Variants in ZFYVE9 observed in about 807,000 individuals in gnomAD.
ZFYVE9 encodes zinc finger FYVE domain-containing protein 9.
ZFYVE9 carries 43 observed loss-of-function variants against 126.7 expected under a neutral mutation model. That is an observed-to-expected ratio of 0.34 (90% CI 0.27 to 0.44). ZFYVE9 has a LOEUF of 0.44. ZFYVE9 is among the 20% of genes least tolerant of loss of function. The probability of loss-of-function intolerance (pLI) is 1.00; values close to 1 mark genes in which losing one functional copy is unlikely to be tolerated. For missense variants in ZFYVE9, 1,476 were observed against 1,697.0 expected (o/e 0.87, Z 2.29); for synonymous variants, 521 against 597.4 (o/e 0.87, Z 1.87).
rs184440823 is a variant in ZFYVE9 at position 52,293,695 on chromosome 1, G to A, written c.3250+18G>A. On this transcript the variant is annotated intron_variant, in intron 11 of 18. Coordinates refer to ENST00000287727, the MANE Select transcript of ZFYVE9 (RefSeq NM_004799.4). Reference sequence around the variant, plus strand: ...ATATCGACGTAAGTAGTAAAAACACGTTTTTCAAGGCATGATGACTAAAAT... The same window carrying A: ...ATATCGACGTAAGTAGTAAAAACACATTTTTCAAGGCATGATGACTAAAAT... 45 of 1,604,104 alleles carry A rather than the reference G, an allele frequency of 2.8e-5. 1 individual carries two copies. Among genetic ancestry groups the A allele is most frequent in the South Asian group, 3.3e-5 (3 of 90,608 alleles).
At chr1:52,145,277 A>G (rs996668423) in intron 1 of ZFYVE9, among the ~76,000 whole-genome samples, 1 of 152,208 alleles carries the variant, frequency 6.6e-6, no homozygotes, top group African/African-American at 2.4e-5. Flanking sequence ...AGTAGAGATG[A>G]TAATTCCTTC....
At chr1:52,322,419 G>T in intron 13 of ZFYVE9, among the ~76,000 whole-genome samples, 1 of 139,256 alleles carries the variant, frequency 7.2e-6, no homozygotes, top group African/African-American at 2.7e-5. Context: ...TCGCTGTGTC[G>T]CCCAGTGGAG....
chr1:52,294,538 A>T (rs1187766935), intron 11 of ZFYVE9, among the ~76,000 whole-genome samples: 3 of 152,250 alleles, frequency 2.0e-5, no homozygotes, highest in African/African-American at 7.2e-5. Flanking sequence ...AATAGCTAAG[A>T]TGTGATTATA....
intron 7 of ZFYVE9, among the ~76,000 whole-genome samples, chr1:52,272,801 C>T (rs956794237): frequency 2.6e-5 from 4 of 151,294 alleles, no homozygotes; most frequent in African/African-American, 9.7e-5. Flanking sequence ...TCCCAAGTGG[C>T]TGGGATTACA....
chr1:52,241,175 C>T (rs1023784902), intron 4 of ZFYVE9, among the ~76,000 whole-genome samples: 5 of 151,884 alleles, frequency 3.3e-5, no homozygotes, highest in Non-Finnish European at 7.4e-5. Flanking sequence ...ATGTTGTATA[C>T]CTTAAATGTA....
chr1:52,343,462 A>G (rs527900177), intron 17 of ZFYVE9, among the ~76,000 whole-genome samples: 1 of 151,288 alleles, frequency 6.6e-6, no homozygotes, highest in African/African-American at 2.4e-5. Flanking sequence ...AAAGAAAAAA[A>G]GAAGTCCTTT....
intron 18 of ZFYVE9, chr1:52,345,777 C>T: frequency 3.7e-6 from 1 of 271,118 alleles, no homozygotes; most frequent in Non-Finnish European, 6.9e-6. Flanking sequence ...GGTATTATTT[C>T]TGATACTCCA....
chr1:52,283,169 C>T (rs1645821496), intron 10 of ZFYVE9, among the ~76,000 whole-genome samples: 1 of 152,160 alleles, frequency 6.6e-6, no homozygotes, highest in Non-Finnish European at 1.5e-5. Flanking sequence ...CTGGAAATAA[C>T]TGGGAACTTT....
chr1:52,280,372 C>A (rs1251382378), intron 9 of ZFYVE9, among the ~76,000 whole-genome samples: 3 of 149,366 alleles, frequency 2.0e-5, no homozygotes, highest in African/African-American at 7.5e-5. Context: ...AGAGTGAGAC[C>A]CTGTTTAAAA....
intron 13 of ZFYVE9, among the ~76,000 whole-genome samples, chr1:52,323,664 A>G (rs1419622083): frequency 2.6e-5 from 4 of 152,230 alleles, no homozygotes; most frequent in Non-Finnish European, 4.4e-5. Context: ...CTGTAATCCC[A>G]GCACATTGGG....
Position 52,151,707 on chromosome 1 carries a change from A to G in ZFYVE9, c.-143+9304A>G, listed in dbSNP as rs1283203058. Among the ~76,000 whole-genome samples the G allele has an allele frequency of 8.6e-5, 13 of 151,758 alleles. No homozygotes were observed. In the South Asian group the frequency reaches 2.7e-3, roughly 32 times the overall value. On this transcript the variant is annotated intron_variant, in intron 1 of 18. Coordinates refer to ENST00000287727, the MANE Select transcript of ZFYVE9 (RefSeq NM_004799.4). ...ATTTTTTGTATTTTTAGTAGAGACA[A>G]GGTTTCACCATGTTGGTCAGGCTGG...
chr1:52,218,344 A>G (rs1645091894), intron 2 of ZFYVE9, among the ~76,000 whole-genome samples: 1 of 152,208 alleles, frequency 6.6e-6, no homozygotes, highest in Admixed American at 6.5e-5. Flanking sequence ...TAGGCCCACT[A>G]CATCCCATCA....
At chr1:52,225,523 G>C (rs1645162339) in intron 2 of ZFYVE9, among the ~76,000 whole-genome samples, 1 of 152,234 alleles carries the variant, frequency 6.6e-6, no homozygotes, top group African/African-American at 2.4e-5. Flanking sequence ...CCCTAACACA[G>C]TTCCTGTTTC....
intron 1 of ZFYVE9, among the ~76,000 whole-genome samples, chr1:52,165,324 C>CAAGAAAG (rs1557432964): frequency 6.6e-6 from 1 of 151,910 alleles, no homozygotes; most frequent in East Asian, 1.9e-4. Context: ...TGTAATTAGA[C>CAAGAAAG]AAGAAAGAAA....
Position 52,238,811 on chromosome 1 carries a change from T to G in ZFYVE9, c.1394T>G (p.Val465Gly). 1.2e-6 allele frequency: 2 copies of G among 1,614,150 alleles called. No individual in the cohort carries two copies. The highest frequency in any genetic ancestry group is 2.7e-5 in the African/African-American group (2 of 75,070). The change falls in exon 4 of 19, where the codon GTT (valine) becomes GGT (glycine). Residue 465 changes from valine (V) to glycine (G), a missense_variant. Val to Gly is a moderately radical substitution (Grantham distance 109). Around this residue, in one of 2 missense-constraint regions of ZFYVE9, gnomAD observed 807 missense variants for 794.6 expected, o/e 1.02. Transcript: ENST00000287727. Reference sequence around the variant, plus strand: ...AGTGAAGAATGTGATTTCTCCACTGTTATAGACACACCAGCAGCAAATTAT... The same window carrying G: ...AGTGAAGAATGTGATTTCTCCACTGGTATAGACACACCAGCAGCAAATTAT... Reference protein sequence around the residue: ...SESEECDFSTVIDTPAANYLS... With the variant: ...SESEECDFSTGIDTPAANYLS...
In ZFYVE9 at chr1:52,237,681, T is replaced by A; in HGVS notation, c.264T>A (p.Cys88Ter). The stretch of plus-strand genomic sequence containing the variant: ...TGACCACAGAGGAAGAGGATCACTG[T>A]GCTAATGGACAGGACTGTAATCTAA... ...APLTTEEEDH[C>*]ANGQDCNLNP... is the part of the protein sequence containing the mutation. The change falls in exon 4 of 19, where the codon TGT becomes TGA. Residue 88 changes from cysteine to a stop codon, truncating the protein, a stop_gained. Coordinates refer to ENST00000287727, the MANE Select transcript of ZFYVE9 (RefSeq NM_004799.4). LOFTEE classifies it high-confidence loss of function. The A allele has an allele frequency of 6.2e-7, 1 of 1,614,094 alleles. No homozygotes were observed. The highest frequency in any genetic ancestry group is 1.1e-5 in the South Asian group (1 of 91,078).
chr1:52,330,625 T>G (rs1203672064), intron 13 of ZFYVE9, among the ~76,000 whole-genome samples: 1 of 152,170 alleles, frequency 6.6e-6, no homozygotes, highest in Non-Finnish European at 1.5e-5. Flanking sequence ...TAATTAGTGA[T>G]AATGAGCAGT....
rs756790054 is a variant in ZFYVE9 at position 52,238,612 on chromosome 1, A to G, written c.1195A>G (p.Met399Val). 8 of 1,614,118 alleles carry G rather than the reference A, an allele frequency of 5.0e-6. No homozygotes were observed. Among genetic ancestry groups the G allele is most frequent in the South Asian group, 2.2e-5 (2 of 91,068 alleles). ...AGAGCATTTCTCTGAATCTCAGGAC[A>G]TGACTAATTGGAAGTTGACTAAACT... ...MTEHFSESQD[M>V]TNWKLTKLNE... The change falls in exon 4 of 19, where the codon ATG becomes GTG. Residue 399 changes from methionine (M) to valine (V), a missense_variant. By Grantham distance (21) the Met-to-Val change is conservative. Around this residue, in one of 2 missense-constraint regions of ZFYVE9, gnomAD observed 807 missense variants for 794.6 expected, o/e 1.02. Coordinates refer to ENST00000287727, the MANE Select transcript of ZFYVE9 (RefSeq NM_004799.4).
chr1:52,233,479 T>C (rs1025276671), intron 3 of ZFYVE9, among the ~76,000 whole-genome samples: 6 of 152,230 alleles, frequency 3.9e-5, no homozygotes, highest in African/African-American at 1.4e-4. Context: ...ATTGCCATTT[T>C]ATAGATGAGA....
Sources: gnomAD v4.1 joint callset for allele counts (sites outside exome capture counted in the v4.1 genomes callset) on GRCh38, gnomAD v4.1.1 for gene constraint, gnomAD v4.1.1 regional missense constraint, MANE v1.5 for transcripts, NCBI Gene and HGNC (gene_info 2026-07-23, HGNC 2026-07-21) for gene names.